The following NOMO2 variants were observed in gnomAD, a reference collection of about 807,000 sequenced individuals.
NOMO2 encodes the protein NODAL modulator 2, also known as BOS complex subunit NOMO2.
A neutral mutation model predicts 67.1 loss-of-function variants in NOMO2; 14 were observed. The observed-to-expected ratio is 0.21, with a 90% CI of 0.14 to 0.33. NOMO2 has a LOEUF of 0.33. NOMO2 is among the 10% of genes least tolerant of loss of function. The pLI, the probability that NOMO2 is intolerant of heterozygous loss-of-function variation, is 1.00. For missense variants in NOMO2, 178 were observed against 761.0 expected (o/e 0.23, Z 9.01); for synonymous variants, 80 against 305.9 (o/e 0.26, Z 7.71).
chr16:18,551,272 C>T (rs917409862), intron 4 of NOMO2, among the ~76,000 whole-genome samples, 167 bp downstream of exon 4: 2 of 151,912 alleles, frequency 1.3e-5, no homozygotes, highest in African/African-American at 4.8e-5. Flanking sequence ...ACACCTGCTG[C>T]GTTCTACACG....
intron 1 of NOMO2, among the ~76,000 whole-genome samples, chr16:18,561,173 T>TAAAA (rs756246897): frequency 0.041 from 1,317 of 32,188 alleles, 58 homozygotes; most frequent in East Asian, 0.05. Context: ...ACAACTTAAT[T>TAAAA]AAAAAAAAAA....
Position 18,550,512 on chromosome 16 carries a change from G to A in NOMO2, c.403-885C>T, listed in dbSNP as rs1488587383. On this transcript the variant is annotated intron_variant, in intron 4 of 30. Transcript: ENST00000622306. ...GGGATGGAAGGGCCTCCCCGTCACC[G>A]CAAAGGTAGAGGAGAAAGAAGTCCA... Among the ~76,000 whole-genome samples, 12 of 151,760 alleles carry A rather than the reference G, an allele frequency of 7.9e-5. 1 individual carries two copies. Among genetic ancestry groups the A allele is most frequent in the Middle Eastern group, 6.8e-3 (2 of 294 alleles).
chr16:18,528,747 G>A (rs1901209502), intron 15 of NOMO2, among the ~76,000 whole-genome samples: 2 of 150,928 alleles, frequency 1.3e-5, no homozygotes, highest in Admixed American at 1.3e-4. Context: ...CTGAGGTCAG[G>A]AGTTTTAAGA....
chr16:18,529,189 T>C (rs2914414), intron 15 of NOMO2, among the ~76,000 whole-genome samples: 30,692 of 144,372 alleles, frequency 0.21, 3,343 homozygotes, highest in East Asian at 0.44. Flanking sequence ...AAGCAGTAAA[T>C]GAATTTACCC....
chr16:18,529,037 A>G (rs1477798540), intron 15 of NOMO2, among the ~76,000 whole-genome samples: 1 of 47,658 alleles, frequency 2.1e-5, no homozygotes, highest in Non-Finnish European at 4.1e-5. Flanking sequence ...ATATATATAT[A>G]TATATCAGAG....
At chr16:18,534,331 G>A (rs1567240677) in intron 11 of NOMO2, among the ~76,000 whole-genome samples, 1 of 150,532 alleles carries the variant, frequency 6.6e-6, no homozygotes, top group African/African-American at 2.4e-5. Flanking sequence ...ACTCTTAAGT[G>A]GTTAAAGTTA....
intron 15 of NOMO2, 52 bp downstream of exon 15, chr16:18,529,449 A>T: frequency 6.2e-7 from 1 of 1,611,576 alleles, no homozygotes; most frequent in South Asian, 1.1e-5. Flanking sequence ...CTTTCTTGAC[A>T]TCCACAAGGC....
chr16:18,561,537 T>C (rs1484228711), intron 1 of NOMO2, among the ~76,000 whole-genome samples: 1 of 150,242 alleles, frequency 6.7e-6, no homozygotes, highest in Non-Finnish European at 1.5e-5. Flanking sequence ...TTCGAGGAGA[T>C]CTCAGGTCTA....
chr16:18,537,349 T>C lies in NOMO2; in HGVS notation c.1220+1177A>G, dbSNP rs536019363. Among the ~76,000 whole-genome samples the C allele has an allele frequency of 2.1e-3, 312 of 149,612 alleles. 12 individuals are homozygous for C. Among genetic ancestry groups the C allele is most frequent in the Non-Finnish European group, 3.8e-3 (251 of 66,596 alleles). On this transcript the variant is annotated intron_variant, in intron 11 of 30. Coordinates refer to ENST00000622306, the MANE Select transcript of NOMO2 (RefSeq NM_173614.4). ...TTGTCGTCTCTGCTTTCAGACCTCC[T>C]GTGCCCAAGTCCTGTCCCCTTCAAA...
chr16:18,549,415 A>AG (rs1293811355), intron 5 of NOMO2, 106 bp downstream of exon 5: 1 of 1,586,982 alleles, frequency 6.3e-7, no homozygotes, highest in Non-Finnish European at 8.6e-7. Context: ...AGGCTGAATC[A>AG]GGATCTGAAC....
intron 6 of NOMO2, among the ~76,000 whole-genome samples, chr16:18,546,254 G>A (rs1461543530): frequency 7.7e-5 from 5 of 65,062 alleles, no homozygotes; most frequent in African/African-American, 2.7e-4. Context: ...ACTCTAGCCT[G>A]GGCAACAGAG....
At chr16:18,555,647 T>C (rs2141756907) in intron 2 of NOMO2, among the ~76,000 whole-genome samples, 1 of 150,432 alleles carries the variant, frequency 6.6e-6, no homozygotes, top group African/African-American at 2.4e-5. Flanking sequence ...CTCGCTCTGT[T>C]GCCCAGGCTG....
intron 6 of NOMO2, among the ~76,000 whole-genome samples, chr16:18,544,623 T>C (rs2141741616): frequency 6.6e-6 from 1 of 152,146 alleles, no homozygotes; most frequent in South Asian, 2.1e-4. Context: ...ACTTTCTTTT[T>C]CTGTCCATAA....
chr16:18,556,541 CAG>C (rs1291856852), intron 2 of NOMO2, among the ~76,000 whole-genome samples: 2 of 150,296 alleles, frequency 1.3e-5, no homozygotes, highest in East Asian at 3.9e-4. Context: ...AGCATTAACA[CAG>C]GGGAAAAAAT....
chr16:18,528,909 A>G (rs1198647407), intron 15 of NOMO2, among the ~76,000 whole-genome samples: 4 of 142,140 alleles, frequency 2.8e-5, no homozygotes, highest in African/African-American at 1.0e-4. Flanking sequence ...CGGAGGTTTC[A>G]GTGAGCCGAG....
chr16:18,539,365 C>A (rs1394901810), intron 9 of NOMO2, among the ~76,000 whole-genome samples: 1 of 150,580 alleles, frequency 6.6e-6, no homozygotes, highest in African/African-American at 2.5e-5. Flanking sequence ...TGCCCCGCCC[C>A]GCTCCTCCAG....
chr16:18,529,438 T>A (rs1238187801), intron 15 of NOMO2, 63 bp downstream of exon 15: 1 of 1,611,504 alleles, frequency 6.2e-7, no homozygotes, highest in Admixed American at 1.7e-5. Flanking sequence ...GGGATGTTAG[T>A]CTTTCTTGAC....
chr16:18,553,199 CG>C (rs1901828707), intron 3 of NOMO2, among the ~76,000 whole-genome samples: 1 of 151,506 alleles, frequency 6.6e-6, no homozygotes, highest in South Asian at 2.1e-4. Context: ...TGCTTGAACC[CG>C]GGCCGAAGTT....
chr16:18,539,057 T>G (rs1000199060), intron 9 of NOMO2, 93 bp from the exon 10 acceptor site: 24 of 715,600 alleles, frequency 3.4e-5, no homozygotes, highest in Middle Eastern at 2.3e-4. Context: ...CCACCTACCA[T>G]GTCTGCTCCT....
Sources: allele counts gnomAD v4.1 joint callset (sites outside exome capture counted in the v4.1 genomes callset), GRCh38; gene constraint gnomAD v4.1.1; transcripts MANE v1.5; gene names NCBI Gene and HGNC (gene_info 2026-07-23, HGNC 2026-07-21).